The following NRK variants were observed in gnomAD, a reference collection of about 807,000 sequenced individuals.
NRK encodes nik-related protein kinase.
A neutral mutation model predicts 125.2 loss-of-function variants in NRK; 67 were observed. That is an observed-to-expected ratio of 0.54 (90% CI 0.44 to 0.66). The LOEUF is 0.66. Among genes scored for constraint, NRK ranks in the 30% least tolerant of loss-of-function variants. The pLI, the probability that NRK is intolerant of heterozygous loss-of-function variation, is 0.00. For missense variants in NRK, 1,224 were observed against 1,192.9 expected, an observed-to-expected ratio of 1.03 and a Z score of -0.38; for synonymous variants, 458 against 429.0, an observed-to-expected ratio of 1.07 and a Z score of -0.84.
chrX:105,837,944 G>A (rs1179198434), intron 2 of NRK, among the ~76,000 whole-genome samples: 1 of 111,506 alleles, frequency 9.0e-6, no homozygotes, highest in Non-Finnish European at 1.9e-5. Context: ...AAAATTGGAG[G>A]TGGCAACCTG....
chrX:105,900,256 C>T (rs1296987443), intron 8 of NRK, among the ~76,000 whole-genome samples: 1 of 110,423 alleles, frequency 9.1e-6, no homozygotes, highest in Admixed American at 9.7e-5. Flanking sequence ...GGAATTAAGG[C>T]ACAGGGAGTT....
intron 26 of NRK, among the ~76,000 whole-genome samples, chrX:105,947,935 A>G (rs2040838802): frequency 8.9e-6 from 1 of 112,188 alleles, no homozygotes; most frequent in Non-Finnish European, 1.9e-5. Flanking sequence ...CCATGATTAT[A>G]TAGAAATCAC....
rs1339450172 is a variant in NRK, at chrX:105,949,750, AT to A, written c.4513+19del. On this transcript the variant is annotated intron_variant, in intron 27 of 28. Transcript: ENST00000243300. ...TCTTCTATAGGTATGTATACAATTT[AT>A]TTCTTCTTCAGGACCCCAGAGAAAA... 9.0e-7 allele frequency: 1 copy of A among 1,108,269 alleles called. No homozygotes were observed. The highest frequency in any genetic ancestry group is 2.2e-5 in the South Asian group (1 of 46,487). 91.3% of individuals were successfully genotyped at this position (1,108,269 alleles called of 1,213,427 possible). A position where few individuals can be genotyped will look rare whatever the true frequency, so the allele number is the denominator to read the frequency against.
chrX:105,869,496 A>G (rs1414825521), intron 2 of NRK, among the ~76,000 whole-genome samples: 8 of 109,643 alleles, frequency 7.3e-5, no homozygotes, highest in Non-Finnish European at 1.5e-4. Context: ...CCTCCTTGGC[A>G]TTTCCCTTAT....
At chrX:105,900,775 A>G (rs1317711581) in intron 9 of NRK, 103 bp downstream of exon 9, 2 of 511,841 alleles carry the variant, frequency 3.9e-6, no homozygotes, top group East Asian at 7.5e-5. Context: ...CACTTGTACC[A>G]CTCAGCTTTC....
chrX:105,934,156 A>G, intron 19 of NRK, 102 bp from the exon 20 acceptor site: 3 of 464,021 alleles, frequency 6.5e-6, no homozygotes, highest in South Asian at 8.8e-5. Flanking sequence ...TGTAGATGTT[A>G]TAGATCTTGC....
rs1411447545 is a variant in NRK, at chrX:105,929,908, TCTC to T, written c.3313-4347_3313-4345del. On this transcript the variant is annotated intron_variant, in intron 19 of 28. Coordinates refer to ENST00000243300, the MANE Select transcript of NRK (RefSeq NM_198465.4). ...GCACTTTGAATATATCATCCTATTC[TCTC>T]CTGGCTTGTAAGGTTTCTGTTCAGA... 3.6e-5 allele frequency among the ~76,000 whole-genome samples: 4 copies of T among 111,730 alleles called. No homozygotes were observed. The Admixed American group carries it at 3.8e-4, about 11-fold the overall frequency.
intron 14 of NRK, among the ~76,000 whole-genome samples, chrX:105,914,750 A>G (rs1332246745): frequency 1.8e-5 from 2 of 108,548 alleles, no homozygotes; most frequent in East Asian, 2.9e-4. Flanking sequence ...CACTTCATAA[A>G]GAAAAAATAG....
At chrX:105,925,330 A>G (rs1385437218) in intron 19 of NRK, among the ~76,000 whole-genome samples, 1 of 111,395 alleles carries the variant, frequency 9.0e-6, no homozygotes, top group Non-Finnish European at 1.9e-5. Context: ...ATTGACACCT[A>G]ATAATTGTAT....
intron 5 of NRK, among the ~76,000 whole-genome samples, chrX:105,889,414 G>T (rs1302145125): frequency 8.9e-6 from 1 of 111,823 alleles, no homozygotes; most frequent in Non-Finnish European, 1.9e-5. Context: ...GGCACATGGT[G>T]CAGGCTGTTG....
chrX:105,897,941 T>G (rs2040106472), intron 7 of NRK, among the ~76,000 whole-genome samples: 1 of 111,870 alleles, frequency 8.9e-6, no homozygotes, highest in East Asian at 2.8e-4. Flanking sequence ...TTTTCTGGAA[T>G]AAATAACCCC....
chrX:105,922,804 A>G (rs555591625), intron 17 of NRK, among the ~76,000 whole-genome samples: 50 of 111,446 alleles, frequency 4.5e-4, no homozygotes, highest in Middle Eastern at 9.3e-3. Context: ...AAAAGTTACC[A>G]TTTTTAAGGA....
chrX:105,912,964 T>A (rs1230791415), intron 14 of NRK, among the ~76,000 whole-genome samples: 1 of 112,248 alleles, frequency 8.9e-6, no homozygotes, highest in African/African-American at 3.2e-5. Context: ...TTAAAAGGAA[T>A]GAAACTATTA....
chrX:105,925,109 G>C (rs760622628), intron 19 of NRK, 78 bp downstream of exon 19: 33 of 761,885 alleles, frequency 4.3e-5, no homozygotes, highest in Non-Finnish European at 6.2e-5. Context: ...AGCATTTCTA[G>C]CCATTCCAAA....
chrX:105,834,888 A>G (rs1602592890), intron 2 of NRK, among the ~76,000 whole-genome samples: 1 of 111,123 alleles, frequency 9.0e-6, no homozygotes, highest in East Asian at 2.8e-4. Flanking sequence ...AATAGTTAAC[A>G]TGTGTACTGA....
chrX:105,921,145 G>A (rs1377826685), intron 16 of NRK, among the ~76,000 whole-genome samples: 1 of 106,267 alleles, frequency 9.4e-6, no homozygotes, highest in Non-Finnish European at 1.9e-5. Context: ...GGAATACTAT[G>A]CAGCCATAAA....
At position 105,857,071 on chromosome X, in the gene NRK, A is replaced by G. The variant is rs180763839; in HGVS notation, c.124-23128A>G. ...TCACTGTTATTAGTTACTTGAGTCT[A>G]ATGGCTCTTTGTCCTGGAGTAATTT... On this transcript the variant is annotated intron_variant, in intron 2 of 28. Transcript: ENST00000243300. 2.0e-3 allele frequency among the ~76,000 whole-genome samples: 224 copies of G among 111,911 alleles called. 3 individuals are homozygous for G. The highest frequency in any genetic ancestry group is 7.0e-3 in the African/African-American group (217 of 30,872).
chrX:105,842,911 C>A, intron 2 of NRK, among the ~76,000 whole-genome samples: 1 of 111,816 alleles, frequency 8.9e-6, no homozygotes, highest in Non-Finnish European at 1.9e-5. Context: ...TGGTTAACCT[C>A]TACAAGAATT....
chrX:105,827,633 T>G (rs1273434642), intron 1 of NRK, among the ~76,000 whole-genome samples: 3 of 111,952 alleles, frequency 2.7e-5, no homozygotes, highest in African/African-American at 9.7e-5. Context: ...GAGATTTCAG[T>G]GGGCAGCCAG....
Sources: gnomAD v4.1 joint callset for allele counts (sites outside exome capture counted in the v4.1 genomes callset) on GRCh38, gnomAD v4.1.1 for gene constraint, MANE v1.5 for transcripts, NCBI Gene and HGNC (gene_info 2026-07-23, HGNC 2026-07-21) for gene names.